Variants in WNK1 observed in about 807,000 individuals in gnomAD.
WNK1 encodes the protein WNK lysine deficient protein kinase 1.
In WNK1, 38 loss-of-function variants were observed where a neutral mutation model predicts 222.8. The ratio of observed to expected loss-of-function variants is 0.17; its 90% CI spans 0.13 to 0.22. The LOEUF (loss-of-function observed/expected upper bound fraction) is 0.22, where lower values mean the gene tolerates loss of function less well. WNK1 is among the 10% of genes least tolerant of loss of function. The probability of loss-of-function intolerance (pLI) is 1.00; values close to 1 mark genes in which losing one functional copy is unlikely to be tolerated. For synonymous variants in WNK1, 1,090 were observed against 1,092.9 expected (o/e 1.00, Z 0.05); for missense variants, 2,348 against 2,918.4 (o/e 0.80, Z 4.50).
chr12:811,754 A>G (rs1946927481), intron 1 of WNK1, among the ~76,000 whole-genome samples: 2 of 152,030 alleles, frequency 1.3e-5, no homozygotes, highest in African/African-American at 4.8e-5. Context: ...TAGACAAACT[A>G]TTGAAAGAAG....
intron 4 of WNK1, among the ~76,000 whole-genome samples, chr12:838,077 CAGTG>C (rs776917343): frequency 1.3e-4 from 9 of 70,154 alleles, no homozygotes; most frequent in Non-Finnish European, 2.5e-4. Context: ...AGTAATATTC[CAGTG>C]TGTGTGTGTG....
rs575045710 is a variant in WNK1, at chr12:841,023, C to G, written c.1311+10863C>G. Among the ~76,000 whole-genome samples, 8 of 152,328 alleles carry G rather than the reference C, an allele frequency of 5.3e-5. No homozygotes were observed. The East Asian group carries it at 1.5e-3, about 29-fold the overall frequency. ...ACAGAACCTGGAAAGACTGGTGTCA[C>G]TGTTTCTGTATTCTCAGTATAGTGT... is the stretch of plus-strand genomic sequence containing the variant. On this transcript the variant is annotated intron_variant, in intron 4 of 27. Transcript: ENST00000315939.
chr12:897,127 C>T (rs1025873806), intron 24 of WNK1, among the ~76,000 whole-genome samples: 2 of 152,174 alleles, frequency 1.3e-5, no homozygotes, highest in African/African-American at 4.8e-5. Context: ...TATTAGTCCA[C>T]TAAATGAATC....
At chr12:903,188 G>A (rs903405767) in intron 26 of WNK1, among the ~76,000 whole-genome samples, 3 of 152,182 alleles carry the variant, frequency 2.0e-5, no homozygotes, top group African/African-American at 7.2e-5. Flanking sequence ...ATTTGTACCT[G>A]TATTAGTAAT....
At chr12:882,811 T>G (rs1953295721) in intron 14 of WNK1, 132 bp from the exon 15 acceptor site, 1 of 690,968 alleles carries the variant, frequency 1.4e-6, no homozygotes, top group African/African-American at 1.8e-5. Flanking sequence ...AAAGTACTAG[T>G]GCTCCAAGGA....
Position 754,198 on chromosome 12 carries a change from C to T in WNK1, c.633C>T (p.Ala211=), listed in dbSNP as rs990254123. The T allele has an allele frequency of 1.9e-6, 3 of 1,613,648 alleles. No homozygotes were observed. The African/African-American group carries it at 4.0e-5, about 22-fold the overall frequency. ...QDDIEELETK[A]VGMSNDGRFL... ...ATATCGAAGAGCTGGAGACCAAGGC[C>T]GTGGGAATGTCTAACGATGGCCGCT... is the stretch of plus-strand genomic sequence containing the variant. Residue 211 remains alanine (A), a synonymous_variant, in exon 1 of 28, where the codon GCC becomes GCT. Coordinates refer to ENST00000315939, the MANE Select transcript of WNK1 (RefSeq NM_018979.4).
At chr12:907,502 A>G (rs138248606) in intron 26 of WNK1, among the ~76,000 whole-genome samples, 1 of 152,164 alleles carries the variant, frequency 6.6e-6, no homozygotes, top group East Asian at 1.9e-4. Context: ...TGATTGTATC[A>G]CACCTCCATC....
chr12:868,216 C>T, intron 8 of WNK1: 1 of 1,611,774 alleles, frequency 6.2e-7, no homozygotes. Context: ...TTTACAGTGA[C>T]TATAGACCTG....
chr12:801,007 T>A (rs1428205751), intron 1 of WNK1, among the ~76,000 whole-genome samples: 1 of 152,208 alleles, frequency 6.6e-6, no homozygotes, highest in Non-Finnish European at 1.5e-5. Context: ...AGGTATTGGT[T>A]CCTTTCTCAG....
chr12:834,959 C>T (rs192445713), intron 4 of WNK1, among the ~76,000 whole-genome samples: 4 of 152,244 alleles, frequency 2.6e-5, no homozygotes, highest in East Asian at 3.9e-4. Context: ...TGTTTGTACG[C>T]GTGTCTATGT....
At chr12:879,245 G>GT (rs975541099) in intron 10 of WNK1, among the ~76,000 whole-genome samples, 1 of 151,294 alleles carries the variant, frequency 6.6e-6, no homozygotes, top group Non-Finnish European at 1.5e-5. Context: ...CAATAAAGCT[G>GT]TTAAAAAAAA....
At chr12:762,382 T>C (rs769273729) in intron 1 of WNK1, among the ~76,000 whole-genome samples, 7 of 147,852 alleles carry the variant, frequency 4.7e-5, no homozygotes, top group African/African-American at 1.5e-4. Flanking sequence ...AAATTACTTA[T>C]AATACCTAAT....
At chr12:859,863 G>C (rs1427371496) in intron 6 of WNK1, among the ~76,000 whole-genome samples, 1 of 151,530 alleles carries the variant, frequency 6.6e-6, no homozygotes, top group East Asian at 1.9e-4. Context: ...CCATAGGGAC[G>C]TGCCACCACA....
chr12:879,513 C>CTTTTTT (rs10717495), intron 10 of WNK1, 60 bp from the exon 11 acceptor site: 115 of 403,204 alleles, frequency 2.9e-4, no homozygotes, highest in African/African-American at 7.9e-4. Flanking sequence ...GGCAGCCTTG[C>CTTTTTT]TTTTTTTTTT....
At chr12:791,889 A>T (rs879732283) in intron 1 of WNK1, among the ~76,000 whole-genome samples, 4 of 152,152 alleles carry the variant, frequency 2.6e-5, no homozygotes, top group Non-Finnish European at 5.9e-5. Context: ...AACACATCAT[A>T]ATGTCACTGC....
chr12:817,741 G>A (rs1947480878), intron 2 of WNK1, among the ~76,000 whole-genome samples: 1 of 152,010 alleles, frequency 6.6e-6, no homozygotes, highest in African/African-American at 2.4e-5. Context: ...GATCACCTGA[G>A]GTCAGTTCGA....
At chr12:790,524 T>A (rs1308994028) in intron 1 of WNK1, among the ~76,000 whole-genome samples, 2 of 152,234 alleles carry the variant, frequency 1.3e-5, no homozygotes, top group Non-Finnish European at 2.9e-5. Context: ...TTTTCATTTT[T>A]AAGGATAGTA....
In WNK1 at chr12:827,617, C is replaced by A. The variant is rs933274249; in HGVS notation, c.1153+355C>A. ...AATCTCAGCTCACTGCAACCTCCAC[C>A]CACCGGGTTCAAGCGATTCTTGTGC... On this transcript the variant is annotated intron_variant, in intron 3 of 27. Coordinates refer to ENST00000315939, the MANE Select transcript of WNK1 (RefSeq NM_018979.4). This position sits in a 1 kb window ranked among gnomAD's most constrained non-coding sequence, Gnocchi z 4.6. 1 of 261,872 alleles carries A rather than the reference C, an allele frequency of 3.8e-6. No homozygotes were observed. The highest frequency in any genetic ancestry group is 7.4e-6 in the Non-Finnish European group (1 of 135,748). 16.2% of individuals were successfully genotyped at this position (261,872 alleles called of 1,614,324 possible).
rs145351497 is a variant in WNK1, at chr12:759,067, A to G, written c.759+4743A>G. ...ATAAAATTCATCTTAGTTCATCCCT[A>G]TGGAAACATTCAACTAAAACTGGGC... On this transcript the variant is annotated intron_variant, in intron 1 of 27. Coordinates refer to ENST00000315939, the MANE Select transcript of WNK1 (RefSeq NM_018979.4). 2.0e-4 allele frequency among the ~76,000 whole-genome samples: 30 copies of G among 147,108 alleles called. 2 individuals are homozygous for G. The highest frequency in any genetic ancestry group is 6.6e-4 in the African/African-American group (27 of 41,210).
Sources: allele counts gnomAD v4.1 joint callset (sites outside exome capture counted in the v4.1 genomes callset), GRCh38; gene constraint gnomAD v4.1.1; non-coding constraint Gnocchi (gnomAD v3.1); transcripts MANE v1.5; gene names NCBI Gene and HGNC (gene_info 2026-07-23, HGNC 2026-07-21).